Variants in ADAMTS6 observed in about 807,000 individuals in gnomAD.
ADAMTS6 encodes the protein A disintegrin and metalloproteinase with thrombospondin motifs 6.
ADAMTS6 carries 23 observed loss-of-function variants against 144.3 expected under a neutral mutation model. That is an observed-to-expected ratio of 0.16 (90% CI 0.11 to 0.23). The LOEUF (loss-of-function observed/expected upper bound fraction) is 0.23, where lower values mean the gene tolerates loss of function less well. Ranked by LOEUF, ADAMTS6 falls within the 10% of genes least tolerant of loss-of-function variation. ADAMTS6 has a pLI of 1.00. For missense variants in ADAMTS6, 999 were observed against 1,379.6 expected, an observed-to-expected ratio of 0.72 and a Z score of 4.37; for synonymous variants, 444 against 457.5, an observed-to-expected ratio of 0.97 and a Z score of 0.38.
At chr5:65,456,597 G>A (rs2150257153) in intron 4 of ADAMTS6, among the ~76,000 whole-genome samples, 1 of 152,242 alleles carries the variant, frequency 6.6e-6, no homozygotes, top group East Asian at 1.9e-4. Context: ...CATGAGAGCA[G>A]GGACTTTTTC....
At chr5:65,227,331 C>T (rs576419018) in intron 15 of ADAMTS6, among the ~76,000 whole-genome samples, 11 of 152,156 alleles carry the variant, frequency 7.2e-5, no homozygotes, top group South Asian at 2.1e-4. Flanking sequence ...AAACAGAGTA[C>T]ATATCATAAC....
intron 5 of ADAMTS6, 30 bp from the exon 6 acceptor site, chr5:65,452,246 A>C (rs779726013): frequency 6.3e-7 from 1 of 1,592,926 alleles, no homozygotes; most frequent in Non-Finnish European, 8.6e-7. Context: ...AAAAGACACA[A>C]AGTCAGACAA....
intron 1 of ADAMTS6, among the ~76,000 whole-genome samples, chr5:65,478,532 C>T (rs572547873): frequency 6.6e-6 from 1 of 152,324 alleles, no homozygotes; most frequent in South Asian, 2.1e-4. Flanking sequence ...GATTAGATTA[C>T]ATATGACGTA....
intron 10 of ADAMTS6, chr5:65,297,168 T>C: frequency 2.2e-6 from 1 of 453,778 alleles, no homozygotes; most frequent in South Asian, 1.6e-5. Flanking sequence ...TTAACGGAAA[T>C]GGGTTCTTTA....
chr5:65,247,629 A>G (rs140956642), intron 14 of ADAMTS6, among the ~76,000 whole-genome samples: 1 of 152,268 alleles, frequency 6.6e-6, no homozygotes, highest in African/African-American at 2.4e-5. Flanking sequence ...TGGTAATATG[A>G]TAAGACAGCC....
At chr5:65,335,129 A>G (rs954542923) in intron 7 of ADAMTS6, among the ~76,000 whole-genome samples, 3 of 152,168 alleles carry the variant, frequency 2.0e-5, no homozygotes, top group African/African-American at 7.2e-5. Context: ...ACTAAATTGT[A>G]TATTATAACC....
Position 65,229,973 on chromosome 5 carries a change from A to G in ADAMTS6, c.1934-3754T>C, listed in dbSNP as rs1215081333. ...ACACACACATTATAATTAAACTGTC[A>G]AAAATCAAGGACAAAGAATTTTGAA... On this transcript the variant is annotated intron_variant, in intron 15 of 24. Transcript: ENST00000381055. Among the ~76,000 whole-genome samples, 3 of 152,086 alleles carry G rather than the reference A, an allele frequency of 2.0e-5. No homozygotes were observed. In the East Asian group the frequency reaches 5.8e-4, roughly 29 times the overall value.
At chr5:65,321,010 T>C (rs1745559845) in intron 9 of ADAMTS6, among the ~76,000 whole-genome samples, 1 of 152,236 alleles carries the variant, frequency 6.6e-6, no homozygotes, top group Admixed American at 6.5e-5. Context: ...GCAATGAACA[T>C]ACATGTGCAT....
intron 7 of ADAMTS6, among the ~76,000 whole-genome samples, chr5:65,438,248 C>G (rs1245767202): frequency 6.6e-6 from 1 of 152,194 alleles, no homozygotes; most frequent in African/African-American, 2.4e-5. Flanking sequence ...AAGATTCTGG[C>G]CAGGCGTGGT....
chr5:65,388,652 CATTTAG>C (rs1344862438), intron 7 of ADAMTS6, among the ~76,000 whole-genome samples: 1 of 152,242 alleles, frequency 6.6e-6, no homozygotes, highest in East Asian at 1.9e-4. Flanking sequence ...TTTCTTATTT[CATTTAG>C]ATTTAAATCT....
intron 3 of ADAMTS6, among the ~76,000 whole-genome samples, chr5:65,467,478 A>G (rs1040404584): frequency 3.3e-5 from 5 of 152,110 alleles, no homozygotes; most frequent in African/African-American, 1.2e-4. Flanking sequence ...TTTAAAGAAT[A>G]AAAGGACAAG....
In ADAMTS6 at chr5:65,481,465, C is replaced by T. The variant is rs968797884; in HGVS notation, c.-402G>A. ...TTTTTTTTATTTTTTTATTTTTTGCCCCCCTTTGCAAAGCCACACCAGCCA... is the reference window on the plus strand; with the variant it reads ...TTTTTTTTATTTTTTTATTTTTTGCTCCCCTTTGCAAAGCCACACCAGCCA... On this transcript the variant is annotated 5_prime_UTR_variant, in exon 1 of 25. Transcript: ENST00000381055. 1.4e-5 allele frequency: 2 copies of T among 145,894 alleles called. No individual in the cohort carries two copies. The highest frequency in any genetic ancestry group is 2.2e-4 in the South Asian group (1 of 4,620). 9.0% of individuals were successfully genotyped at this position (145,894 alleles called of 1,614,324 possible).
At chr5:65,267,585 T>G (rs1239243781) in intron 12 of ADAMTS6, among the ~76,000 whole-genome samples, 1 of 152,190 alleles carries the variant, frequency 6.6e-6, no homozygotes, top group East Asian at 1.9e-4. Context: ...ATTATACTAC[T>G]AAATATTATG....
chr5:65,439,157 A>G (rs1321142582), intron 7 of ADAMTS6, among the ~76,000 whole-genome samples: 1 of 152,094 alleles, frequency 6.6e-6, no homozygotes, highest in Non-Finnish European at 1.5e-5. Flanking sequence ...TAGAAGTGTG[A>G]GTCCATATTT....
At chr5:65,281,971 G>A (rs528777078) in intron 11 of ADAMTS6, among the ~76,000 whole-genome samples, 6 of 152,146 alleles carry the variant, frequency 3.9e-5, no homozygotes, top group Non-Finnish European at 7.4e-5. Context: ...TCTATTTACC[G>A]AGGAAAATTA....
intron 7 of ADAMTS6, among the ~76,000 whole-genome samples, chr5:65,360,629 GT>G (rs1459206494): frequency 6.6e-6 from 1 of 151,984 alleles, no homozygotes; most frequent in Non-Finnish European, 1.5e-5. Context: ...AGGTAACTGT[GT>G]AAAAAATTAA....
At chr5:65,362,590 T>C (rs1008480061) in intron 7 of ADAMTS6, among the ~76,000 whole-genome samples, 4 of 152,168 alleles carry the variant, frequency 2.6e-5, no homozygotes, top group Non-Finnish European at 5.9e-5. Context: ...TCTATAAATA[T>C]TTCTATATTA....
In ADAMTS6 at chr5:65,371,958, C is replaced by G. The variant is rs375022379; in HGVS notation, c.1074-37873G>C. Among the ~76,000 whole-genome samples, 34 of 152,030 alleles carry G rather than the reference C, an allele frequency of 2.2e-4. No homozygotes were observed. The East Asian group carries it at 2.3e-3, about 10-fold the overall frequency. On this transcript the variant is annotated intron_variant, in intron 7 of 24. Coordinates refer to ENST00000381055, the MANE Select transcript of ADAMTS6 (RefSeq NM_197941.4). ...ACTCTACAAGCCAGAAGAGAGTGGG[C>G]GCCAATATTCAACATTCTTAAAGAA...
intron 16 of ADAMTS6, among the ~76,000 whole-genome samples, chr5:65,225,368 T>C (rs771269850): frequency 4.6e-5 from 7 of 152,228 alleles, no homozygotes; most frequent in Non-Finnish European, 1.0e-4. Context: ...CAAGAAATTA[T>C]GAGACTAAGT....
Sources: allele counts gnomAD v4.1 joint callset (sites outside exome capture counted in the v4.1 genomes callset), GRCh38; gene constraint gnomAD v4.1.1; transcripts MANE v1.5; gene names NCBI Gene and HGNC (gene_info 2026-07-23, HGNC 2026-07-21).